CDH23: variants seen among roughly 807,000 people sequenced by gnomAD.
CDH23 encodes the protein cadherin related 23.
In CDH23, 189 loss-of-function variants were observed where a neutral mutation model predicts 317.1. The ratio of observed to expected loss-of-function variants is 0.60; its 90% CI spans 0.53 to 0.67. The LOEUF (loss-of-function observed/expected upper bound fraction) is 0.67. Ranked by LOEUF, CDH23 falls within the 30% of genes least tolerant of loss-of-function variation. The probability of loss-of-function intolerance (pLI) is 0.00; values close to 1 mark genes in which losing one functional copy is unlikely to be tolerated. For missense variants in CDH23, 4,401 were observed against 4,592.4 expected, an observed-to-expected ratio of 0.96 and a Z score of 1.20; for synonymous variants, 1,839 against 1,876.8, an observed-to-expected ratio of 0.98 and a Z score of 0.52.
chr10:71,744,355 C>A (rs1386417496), intron 38 of CDH23, among the ~76,000 whole-genome samples: 1 of 152,162 alleles, frequency 6.6e-6, no homozygotes, highest in Non-Finnish European at 1.5e-5. Context: ...CGGTGGAATC[C>A]ATAACATTCT....
intron 3 of CDH23, among the ~76,000 whole-genome samples, chr10:71,494,545 C>T (rs541982191): frequency 6.6e-6 from 1 of 152,250 alleles, no homozygotes; most frequent in African/African-American, 2.4e-5. Flanking sequence ...ATACCTTCCT[C>T]ACGTGTTTGT....
Position 71,807,527 on chromosome 10 carries a change from G to C in CDH23, c.8320G>C (p.Glu2774Gln). 2 of 1,613,848 alleles carry C rather than the reference G, an allele frequency of 1.2e-6. No individual in the cohort carries two copies. The highest frequency in any genetic ancestry group is 4.5e-5 in the East Asian group (2 of 44,882). The change falls in exon 59 of 70, where the codon GAG (glutamate) becomes CAG (glutamine). Residue 2774 changes from glutamate to glutamine, a missense_variant. Physicochemically the swap from Glu to Gln is conservative, Grantham distance 29. Around this residue, in one of 3 missense-constraint regions of CDH23, gnomAD observed 1,144 missense variants for 1,138.2 expected, o/e 1.01. Coordinates refer to ENST00000224721, the MANE Select transcript of CDH23 (RefSeq NM_022124.6). ...VYYFIAAGNE[E>Q]KNFHLQPDGC... ...GATCCCACCCTCAGCCGGCAACGAA[G>C]AGAAGAACTTCCATCTGCAGCCCGA...
At chr10:71,718,633 A>G (rs1427967684) in intron 28 of CDH23, among the ~76,000 whole-genome samples, 2 of 152,258 alleles carry the variant, frequency 1.3e-5, no homozygotes, top group Non-Finnish European at 2.9e-5. Context: ...GCCAGGAGTA[A>G]GAAAAGGGCA....
In CDH23 at chr10:71,762,004, G is replaced by A. The variant is rs140045464; in HGVS notation, c.4846-15676G>A. On this transcript the variant is annotated intron_variant, in intron 38 of 69. Coordinates refer to ENST00000224721, the MANE Select transcript of CDH23 (RefSeq NM_022124.6). ...AGACATACAGGGAATACGGCGTGGC[G>A]ACCTTGAAGGCTGCCACCGGACCTG... 4.4e-5 allele frequency: 71 copies of A among 1,606,888 alleles called. No individual in the cohort carries two copies. The African/African-American group carries it at 6.8e-4, about 15-fold the overall frequency.
intron 14 of CDH23, among the ~76,000 whole-genome samples, chr10:71,665,936 G>A (rs1863873972): frequency 1.3e-5 from 2 of 152,218 alleles, no homozygotes; most frequent in African/African-American, 2.4e-5. Flanking sequence ...AGTTCCACCT[G>A]CAACTGGTTG....
Position 71,759,846 on chromosome 10 carries a change from C to CAT in CDH23, c.4846-17830_4846-17829dup, listed in dbSNP as rs57617386. On this transcript the variant is annotated intron_variant, in intron 38 of 69. Coordinates refer to ENST00000224721, the MANE Select transcript of CDH23 (RefSeq NM_022124.6). ...ACACACACACACACACACACACACACATATACACACACACACACATATATA... is the reference window on the plus strand; with the variant it reads ...ACACACACACACACACACACACACACATATATACACACACACACACATATATA... Among the ~76,000 whole-genome samples the CAT allele has an allele frequency of 3.4e-3, 201 of 59,972 alleles. 15 individuals carry two copies. The highest frequency in any genetic ancestry group is 0.029 in the South Asian group (51 of 1,756). The allele number at this position is 59,972 out of a possible 152,430, so 39.3% of individuals were successfully genotyped here.
chr10:71,655,841 C>T (rs959273855), intron 14 of CDH23, among the ~76,000 whole-genome samples: 1 of 152,060 alleles, frequency 6.6e-6, no homozygotes, highest in Non-Finnish European at 1.5e-5. Context: ...CACAAGGCCA[C>T]CCAGCCCATC....
In CDH23 at chr10:71,715,446, G is replaced by A. The variant is rs56266405; in HGVS notation, c.3369+2633G>A. 3.2e-3 allele frequency: 489 copies of A among 152,780 alleles called. 3 individuals carry two copies. The highest frequency in any genetic ancestry group is 5.2e-3 in the Non-Finnish European group (356 of 68,346). The allele number at this position is 152,780 out of a possible 1,614,324, so 9.5% of individuals were successfully genotyped here. On this transcript the variant is annotated intron_variant, in intron 28 of 69. Transcript: ENST00000224721. Reference sequence around the variant, plus strand: ...CGGGAAACCCAAGGAAGAGAGCCCCGAGGTTTTGCCCCAGCACTGGGCCAG... The same window carrying A: ...CGGGAAACCCAAGGAAGAGAGCCCCAAGGTTTTGCCCCAGCACTGGGCCAG...
At chr10:71,759,904 T>C (rs796293833) in intron 38 of CDH23, among the ~76,000 whole-genome samples, 16,798 of 53,718 alleles carry the variant, frequency 0.31, 4,213 homozygotes, top group Non-Finnish European at 0.45. Context: ...CACACATATA[T>C]ACACACACAC....
chr10:71,615,657 T>A (rs1172796574), intron 10 of CDH23, 41 bp downstream of exon 10: 2 of 1,421,786 alleles, frequency 1.4e-6, no homozygotes, highest in Admixed American at 3.4e-5. Flanking sequence ...GTAGAGGAGA[T>A]GCCCCTACTC....
chr10:71,779,331 C>T lies in CDH23; in HGVS notation c.5252C>T (p.Pro1751Leu), dbSNP rs774582506. 3 of 1,613,862 alleles carry T rather than the reference C, an allele frequency of 1.9e-6. No individual in the cohort carries two copies. Among genetic ancestry groups the T allele is most frequent in the Middle Eastern group, 1.6e-4 (1 of 6,084 alleles). Reference sequence around the variant, plus strand: ...ACCTTCCCCCGGGACTATGAGGGACCATTTGAAGTCACTGAGGGCCAGCCG... The same window carrying T: ...ACCTTCCCCCGGGACTATGAGGGACTATTTGAAGTCACTGAGGGCCAGCCG... ...VPTFPRDYEG[P>L]FEVTEGQPGP... Residue 1751 changes from proline (P) to leucine (L), a missense_variant, in exon 41 of 70, where the codon CCA becomes CTA. Transcript: ENST00000224721.
chr10:71,773,490 C>A lies in CDH23; in HGVS notation c.4846-4190C>A, dbSNP rs996590606. On this transcript the variant is annotated intron_variant, in intron 38 of 69. Coordinates refer to ENST00000224721, the MANE Select transcript of CDH23 (RefSeq NM_022124.6). ...TTCTGGTGCCGGGGAGCGGGCGGGACGCGGCCGGCGCGGGGAAGCCTCCCG... is the reference window on the plus strand; with the variant it reads ...TTCTGGTGCCGGGGAGCGGGCGGGAAGCGGCCGGCGCGGGGAAGCCTCCCG... 2.0e-6 allele frequency: 3 copies of A among 1,526,966 alleles called. No individual in the cohort carries two copies. The Admixed American group carries it at 5.9e-5, about 30-fold the overall frequency. The allele number at this position is 1,526,966 out of a possible 1,614,324, so 94.6% of individuals were successfully genotyped here.
intron 1 of CDH23, among the ~76,000 whole-genome samples, chr10:71,414,911 TGTGTCA>T (rs1436204659): frequency 2.0e-5 from 3 of 152,234 alleles, no homozygotes; most frequent in East Asian, 1.9e-4. Context: ...TATGTTTTTG[TGTGTCA>T]GTGTTAGTAC....
intron 6 of CDH23, among the ~76,000 whole-genome samples, chr10:71,538,801 T>C (rs902385218): frequency 6.6e-6 from 1 of 152,206 alleles, no homozygotes; most frequent in Non-Finnish European, 1.5e-5. Flanking sequence ...TGCCCTACTC[T>C]ACTAAATCCT....
chr10:71,802,018 G>T (rs534506303), intron 53 of CDH23, among the ~76,000 whole-genome samples: 7 of 152,288 alleles, frequency 4.6e-5, no homozygotes, highest in Admixed American at 1.3e-4. Context: ...TTAAAGTCAC[G>T]GCTGCTGGCC....
intron 38 of CDH23, among the ~76,000 whole-genome samples, chr10:71,757,840 G>T (rs968912348): frequency 1.3e-5 from 2 of 152,196 alleles, no homozygotes; most frequent in African/African-American, 4.8e-5. Context: ...GCTGCGCTGG[G>T]GGGTGGGAAG....
At chr10:71,723,965 G>GAAGGA (rs1447552947) in intron 28 of CDH23, 80 bp from the exon 29 acceptor site, 20 of 1,491,504 alleles carry the variant, frequency 1.3e-5, no homozygotes, top group South Asian at 1.1e-4. Flanking sequence ...TGCGTGAAGG[G>GAAGGA]AAGGAAAGGA....
chr10:71,806,301 G>A lies in CDH23; in HGVS notation c.8178+20G>A. Reference sequence around the variant, plus strand: ...CCTCCAGTGAGCTTGCCCACCTCCTGCGCTGGTCACACCCACACAGGGACT... The same window carrying A: ...CCTCCAGTGAGCTTGCCCACCTCCTACGCTGGTCACACCCACACAGGGACT... On this transcript the variant is annotated intron_variant, in intron 57 of 69. Coordinates refer to ENST00000224721, the MANE Select transcript of CDH23 (RefSeq NM_022124.6). 6.6e-7 allele frequency: 1 copy of A among 1,516,810 alleles called. No individual in the cohort carries two copies. Among genetic ancestry groups the A allele is most frequent in the East Asian group, 2.4e-5 (1 of 40,854 alleles). 94.0% of individuals were successfully genotyped at this position (1,516,810 alleles called of 1,614,324 possible). A position where few individuals can be genotyped will look rare whatever the true frequency, so the allele number is the denominator to read the frequency against.
chr10:71,805,954 A>T lies in CDH23; in HGVS notation c.8021A>T (p.Gln2674Leu). The T allele has an allele frequency of 6.2e-7, 1 of 1,609,582 alleles. No homozygotes were observed. Among genetic ancestry groups the T allele is most frequent in the Non-Finnish European group, 8.5e-7 (1 of 1,177,498 alleles). Residue 2674 changes from glutamine (Q) to leucine (L), a missense_variant, in exon 56 of 70, where the codon CAG becomes CTG. Around this residue, in one of 3 missense-constraint regions of CDH23, gnomAD observed 1,144 missense variants for 1,138.2 expected, o/e 1.01. Transcript: ENST00000224721. ...ATCGACCCAATCAGCGGCCTCATCC[A>T]GACTGCTCAGCGCCTGGACCGCGAG... ...FIIDPISGLIQTAQRLDRESQ... is the reference protein window; with the variant it reads ...FIIDPISGLILTAQRLDRESQ...
Sources: allele counts gnomAD v4.1 joint callset (sites outside exome capture counted in the v4.1 genomes callset), GRCh38; gene constraint gnomAD v4.1.1; regional missense constraint gnomAD v4.1.1; transcripts MANE v1.5; gene names NCBI Gene and HGNC (gene_info 2026-07-23, HGNC 2026-07-21).